Variants in KLF12 observed in about 807,000 individuals in gnomAD.
KLF12 encodes Krueppel-like factor 12.
A neutral mutation model predicts 37.8 loss-of-function variants in KLF12; 9 were observed. The observed-to-expected ratio is 0.24, with a 90% CI of 0.14 to 0.42. The LOEUF (loss-of-function observed/expected upper bound fraction) is 0.42. KLF12 is among the 10% of genes least tolerant of loss of function. The probability of loss-of-function intolerance (pLI) is 1.00; values close to 1 mark genes in which losing one functional copy is unlikely to be tolerated. For synonymous variants in KLF12, 208 were observed against 202.1 expected, an observed-to-expected ratio of 1.03 and a Z score of -0.25; for missense variants, 411 against 516.0, an observed-to-expected ratio of 0.80 and a Z score of 1.97.
the KLF12 span, among the ~76,000 whole-genome samples, chr13:74,263,100 G>A: frequency 1.3e-5 from 2 of 152,104 alleles, no homozygotes; most frequent in South Asian, 4.2e-4. Flanking sequence ...TAAAGACAAG[G>A]ACATTTTCAT....
chr13:74,039,294 T>G (rs1893341165), intron 1 of KLF12, among the ~76,000 whole-genome samples: 1 of 152,132 alleles, frequency 6.6e-6, no homozygotes, highest in Non-Finnish European at 1.5e-5. Flanking sequence ...ATCTTAGTAC[T>G]TTGAGAGGCT....
chr13:73,853,597 A>T (rs1566417959), intron 3 of KLF12, among the ~76,000 whole-genome samples: 1 of 151,946 alleles, frequency 6.6e-6, no homozygotes, highest in Non-Finnish European at 1.5e-5. Flanking sequence ...AAATTAGCAG[A>T]GTGTGGTGGT....
At chr13:74,298,611 G>A in the KLF12 span, among the ~76,000 whole-genome samples, 1 of 152,170 alleles carries the variant, frequency 6.6e-6, no homozygotes, top group Admixed American at 6.5e-5. Flanking sequence ...TAAAATGGCA[G>A]GGTTTTATCA....
chr13:73,985,438 A>T (rs1891802889), intron 2 of KLF12, among the ~76,000 whole-genome samples: 1 of 152,190 alleles, frequency 6.6e-6, no homozygotes, highest in African/African-American at 2.4e-5. Flanking sequence ...GAAAACAGGG[A>T]AAGGGATTAC....
the KLF12 span, among the ~76,000 whole-genome samples, chr13:74,280,841 T>C: frequency 3.0e-5 from 3 of 100,580 alleles, no homozygotes. Flanking sequence ...TTTTTTTTTT[T>C]GCCAAGGACT....
the KLF12 span, chr13:74,258,375 C>G: frequency 6.6e-6 from 1 of 152,054 alleles, no homozygotes; most frequent in Non-Finnish European, 1.5e-5. Flanking sequence ...AGTCTCAGTT[C>G]CAATACCTAT....
chr13:73,845,770 CA>C (rs1884976772), intron 4 of KLF12, 56 bp downstream of exon 4: 2 of 1,515,364 alleles, frequency 1.3e-6, no homozygotes, highest in South Asian at 1.2e-5. Flanking sequence ...TTGTTCACTG[CA>C]AAAATGAAGT....
intron 5 of KLF12, among the ~76,000 whole-genome samples, chr13:73,775,942 T>A (rs1436844799): frequency 1.3e-5 from 2 of 152,186 alleles, no homozygotes; most frequent in African/African-American, 4.8e-5. Flanking sequence ...CCACTTTTCC[T>A]TTGAATAGAA....
chr13:74,107,861 C>A (rs1029720641), intron 1 of KLF12, among the ~76,000 whole-genome samples: 1 of 152,098 alleles, frequency 6.6e-6, no homozygotes, highest in Non-Finnish European at 1.5e-5. Context: ...AACAACTGAT[C>A]GAGACAATTG....
chr13:73,761,910 C>T (rs953226922), intron 6 of KLF12, among the ~76,000 whole-genome samples: 3 of 152,258 alleles, frequency 2.0e-5, no homozygotes, highest in Middle Eastern at 6.8e-3. Flanking sequence ...ATTCACACGA[C>T]CAAACCCCAA....
Position 73,688,807 on chromosome 13 carries a change from G to C in KLF12, c.*6683C>G, listed in dbSNP as rs1479909856. On this transcript the variant is annotated 3_prime_UTR_variant, in exon 8 of 8. Transcript: ENST00000377669. ...ATGTTGTCCATAATAAAATTACTGA[G>C]AGTCAGGAATCTGGGAAGGTGGTTT... is the stretch of plus-strand genomic sequence containing the variant. 1.3e-5 allele frequency: 2 copies of C among 152,130 alleles called. No individual in the cohort carries two copies. The highest frequency in any genetic ancestry group is 4.8e-5 in the African/African-American group (2 of 41,424). 9.4% of individuals were successfully genotyped at this position (152,130 alleles called of 1,614,324 possible).
chr13:74,034,422 T>C (rs562241369), intron 1 of KLF12, among the ~76,000 whole-genome samples: 4 of 152,308 alleles, frequency 2.6e-5, no homozygotes, highest in Middle Eastern at 3.4e-3. Flanking sequence ...CATCTTTATA[T>C]TGGGCAGCTG....
intron 7 of KLF12, among the ~76,000 whole-genome samples, chr13:73,698,216 G>A (rs541153231): frequency 2.0e-5 from 3 of 151,060 alleles, no homozygotes; most frequent in South Asian, 2.1e-4. Context: ...AGGAGGAGGG[G>A]AGGGGGAAAG....
chr13:74,295,945 C>G, the KLF12 span, among the ~76,000 whole-genome samples: 8 of 152,042 alleles, frequency 5.3e-5, no homozygotes, highest in Admixed American at 5.2e-4. Flanking sequence ...TCCTGAGTAG[C>G]AGGGATGATA....
intron 3 of KLF12, among the ~76,000 whole-genome samples, chr13:73,879,190 GTA>G (rs1381234655): frequency 6.6e-6 from 1 of 152,176 alleles, no homozygotes; most frequent in Non-Finnish European, 1.5e-5. Flanking sequence ...TGTTCAGTGA[GTA>G]TTACACTGTC....
Position 73,707,038 on chromosome 13 carries a change from G to C in KLF12, c.1027+8330C>G, listed in dbSNP as rs114967132. On this transcript the variant is annotated intron_variant, in intron 7 of 7. Transcript: ENST00000377669. ...TCTCATTACTTTACCGTCCCTGAAG[G>C]GCTGATGCTGAACAGGTAGGTACTG... Among the ~76,000 whole-genome samples the C allele has an allele frequency of 3.9e-3, 589 of 152,266 alleles. 4 individuals carry two copies. Among genetic ancestry groups the C allele is most frequent in the African/African-American group, 0.013 (555 of 41,540 alleles).
Position 74,024,884 on chromosome 13 carries a change from C to T in KLF12, c.-31-29831G>A, listed in dbSNP as rs192043313. Among the ~76,000 whole-genome samples, 13 of 152,254 alleles carry T rather than the reference C, an allele frequency of 8.5e-5. No individual in the cohort carries two copies. In the East Asian group the frequency reaches 2.5e-3, roughly 29 times the overall value. ...AATATTTGATACTCTACAGAAACCA[C>T]CCACCTCTTCCCTGACACTTTTCAA... On this transcript the variant is annotated intron_variant, in intron 1 of 7. Transcript: ENST00000377669.
At chr13:74,082,940 A>T (rs1875001636) in intron 1 of KLF12, among the ~76,000 whole-genome samples, 1 of 152,264 alleles carries the variant, frequency 6.6e-6, no homozygotes, top group Non-Finnish European at 1.5e-5. Context: ...CTGTTGCTAC[A>T]TTAAGCAAAG....
At chr13:73,985,759 ACT>A (rs769215883) in intron 2 of KLF12, among the ~76,000 whole-genome samples, 1 of 152,042 alleles carries the variant, frequency 6.6e-6, no homozygotes, top group South Asian at 2.1e-4. Flanking sequence ...CTCCCCTTAG[ACT>A]CTCTGCTGTG....
Sources: gnomAD v4.1 joint callset for allele counts (sites outside exome capture counted in the v4.1 genomes callset) on GRCh38, gnomAD v4.1.1 for gene constraint, MANE v1.5 for transcripts, NCBI Gene and HGNC (gene_info 2026-07-23, HGNC 2026-07-21) for gene names.